The following MAF variants were observed in gnomAD, a reference collection of about 807,000 sequenced individuals.
MAF encodes transcription factor Maf.
Under a neutral mutation model 22.0 loss-of-function variants are expected in MAF, and 10 were observed. The ratio of observed to expected loss-of-function variants is 0.45; its 90% CI spans 0.28 to 0.77. MAF has a LOEUF of 0.77. Among genes scored for constraint, MAF ranks in the 30% least tolerant of loss-of-function variants. MAF has a pLI of 0.12. For synonymous variants in MAF, 337 were observed against 255.8 expected (o/e 1.32, Z -3.03); for missense variants, 544 against 548.4 (o/e 0.99, Z 0.08).
the MAF span, among the ~76,000 whole-genome samples, chr16:79,546,723 G>C: frequency 6.6e-6 from 1 of 151,976 alleles, no homozygotes; most frequent in Non-Finnish European, 1.5e-5. Flanking sequence ...CTCAGTTTCC[G>C]CCTCTATAAA....
At chr16:79,522,448 G>A in the MAF span, among the ~76,000 whole-genome samples, 1 of 152,292 alleles carries the variant, frequency 6.6e-6, no homozygotes, top group African/African-American at 2.4e-5. Context: ...CACCACTTGT[G>A]TGCACAAGTT....
the MAF span, among the ~76,000 whole-genome samples, chr16:79,373,416 T>G: frequency 3.9e-4 from 48 of 123,876 alleles, no homozygotes; most frequent in African/African-American, 1.4e-3. Flanking sequence ...ACAGTCTCGC[T>G]CTGTCTCCCA....
the MAF span, among the ~76,000 whole-genome samples, chr16:79,304,426 T>C: frequency 6.6e-6 from 1 of 152,354 alleles, no homozygotes; most frequent in South Asian, 2.1e-4. Flanking sequence ...AATCTTCCCA[T>C]TCCAGAGTCT....
the MAF span, among the ~76,000 whole-genome samples, chr16:79,544,430 CA>C: frequency 1.3e-5 from 2 of 152,044 alleles, no homozygotes; most frequent in African/African-American, 4.8e-5. Context: ...TGAGTGATTT[CA>C]AAATTTTATT....
chr16:79,511,790 C>T, the MAF span, among the ~76,000 whole-genome samples: 1 of 152,176 alleles, frequency 6.6e-6, no homozygotes, highest in Non-Finnish European at 1.5e-5. Context: ...TAAACTTGCC[C>T]AGGGTCACAC....
the MAF span, among the ~76,000 whole-genome samples, chr16:79,279,788 A>G: frequency 1.3e-5 from 2 of 151,958 alleles, no homozygotes; most frequent in East Asian, 3.9e-4. Context: ...TTTCTTTTAT[A>G]TATTTTTTTA....
chr16:79,536,515 A>AC, the MAF span, among the ~76,000 whole-genome samples: 1 of 152,120 alleles, frequency 6.6e-6, no homozygotes, highest in Non-Finnish European at 1.5e-5. Flanking sequence ...GGTGGTGCAC[A>AC]CCTGTAGTCT....
the MAF span, among the ~76,000 whole-genome samples, chr16:79,531,085 T>C: frequency 6.6e-6 from 1 of 152,242 alleles, no homozygotes; most frequent in South Asian, 2.1e-4. Flanking sequence ...AGGTCAATGG[T>C]GTTAAAGTAT....
the MAF span, among the ~76,000 whole-genome samples, chr16:79,397,435 T>G: frequency 1.3e-5 from 2 of 152,260 alleles, no homozygotes; most frequent in African/African-American, 4.8e-5. Context: ...TGAATATTTC[T>G]ACTGCTCATA....
At chr16:79,206,482 G>A in the MAF span, 6 of 152,162 alleles carry the variant, frequency 3.9e-5, no homozygotes, top group African/African-American at 1.2e-4. Context: ...ACTGTCCCTG[G>A]CTCATAGAGC....
At chr16:79,283,652 A>C in the MAF span, among the ~76,000 whole-genome samples, 2 of 152,218 alleles carry the variant, frequency 1.3e-5, no homozygotes. Context: ...AAATTGTCCA[A>C]ATATGGTAGT....
the MAF span, among the ~76,000 whole-genome samples, chr16:79,564,793 C>T: frequency 6.6e-5 from 10 of 152,212 alleles, no homozygotes; most frequent in Non-Finnish European, 1.2e-4. Flanking sequence ...TGGTTAATTG[C>T]ATAACCAAGG....
At chr16:79,363,101 G>A in the MAF span, among the ~76,000 whole-genome samples, 1 of 151,986 alleles carries the variant, frequency 6.6e-6, no homozygotes. Context: ...GGAAGAAGAG[G>A]GGCAAATCTG....
chr16:79,241,344 A>G, the MAF span, among the ~76,000 whole-genome samples: 2 of 152,138 alleles, frequency 1.3e-5, no homozygotes, highest in Admixed American at 1.3e-4. Flanking sequence ...AAAGAAGAAC[A>G]TAAATGACAT....
the MAF span, among the ~76,000 whole-genome samples, chr16:79,490,321 C>T: frequency 6.6e-6 from 1 of 152,158 alleles, no homozygotes. Flanking sequence ...AAAAACATCA[C>T]CCCAGAGACT....
At chr16:79,418,802 G>C in the MAF span, among the ~76,000 whole-genome samples, 1 of 152,146 alleles carries the variant, frequency 6.6e-6, no homozygotes, top group Non-Finnish European at 1.5e-5. Flanking sequence ...CATATCAGGA[G>C]CAAATGCAGA....
the MAF span, among the ~76,000 whole-genome samples, chr16:79,404,422 A>G: frequency 1.3e-5 from 2 of 152,108 alleles, no homozygotes; most frequent in African/African-American, 2.4e-5. Context: ...TTGGCCTCCC[A>G]AAGTGCTGGA....
chr16:79,437,239 A>T, the MAF span, among the ~76,000 whole-genome samples: 1 of 152,122 alleles, frequency 6.6e-6, no homozygotes, highest in East Asian at 1.9e-4. Context: ...AACCAAATGG[A>T]CACTTTGCTG....
chr16:79,407,263 A>G, the MAF span, among the ~76,000 whole-genome samples: 3 of 152,104 alleles, frequency 2.0e-5, no homozygotes, highest in East Asian at 5.8e-4. Flanking sequence ...CCACCTCCAG[A>G]CGGGGGACAG....
Sources: allele counts gnomAD v4.1 joint callset (sites outside exome capture counted in the v4.1 genomes callset), GRCh38; gene constraint gnomAD v4.1.1; transcripts MANE v1.5; gene names NCBI Gene and HGNC (gene_info 2026-07-23, HGNC 2026-07-21).